The following RBM41 variants were observed in gnomAD, a reference collection of about 807,000 sequenced individuals.
The protein encoded by RBM41 is RNA binding motif protein 41.
In RBM41, 14 loss-of-function variants were observed where a neutral mutation model predicts 30.8. The observed-to-expected ratio is 0.45, with a 90% CI of 0.30 to 0.71. The LOEUF (loss-of-function observed/expected upper bound fraction) is 0.71. RBM41 is among the 30% of genes least tolerant of loss of function. The pLI is 0.08. For missense variants in RBM41, 276 were observed against 326.3 expected (o/e 0.85, Z 1.19); for synonymous variants, 120 against 110.1 (o/e 1.09, Z -0.56).
intron 5 of RBM41, among the ~76,000 whole-genome samples, chrX:107,109,352 A>G (rs1924263947): frequency 8.9e-6 from 1 of 111,858 alleles, no homozygotes. Context: ...AATCCAAACT[A>G]TTTGCTGTCA....
At chrX:107,060,622 C>T (rs1337987890), downstream of RBM41, among the ~76,000 whole-genome samples, 2 of 110,766 alleles carry the variant, frequency 1.8e-5, no homozygotes, top group African/African-American at 6.6e-5. Flanking sequence ...AAAAATTACC[C>T]TGCCTCCATT....
intron 5 of RBM41, among the ~76,000 whole-genome samples, chrX:107,092,293 G>A (rs186539966): frequency 1.8e-5 from 2 of 109,351 alleles, no homozygotes; most frequent in African/African-American, 6.6e-5. Flanking sequence ...CACAGGATAG[G>A]AAAAGATATT....
At chrX:107,093,743 A>G (rs1043092389) in intron 5 of RBM41, among the ~76,000 whole-genome samples, 10 of 111,981 alleles carry the variant, frequency 8.9e-5, no homozygotes, top group Admixed American at 8.5e-4. Context: ...ATAAAGATTA[A>G]GAAATAAATC....
At chrX:107,112,778 C>T in intron 5 of RBM41, 1 of 306,226 alleles carries the variant, frequency 3.3e-6, no homozygotes, top group Non-Finnish European at 6.3e-6. Flanking sequence ...AAGCCAGTCT[C>T]ACAAGGTTAC....
intron 6 of RBM41, among the ~76,000 whole-genome samples, chrX:107,085,029 T>C (rs953349293): frequency 2.7e-5 from 3 of 111,282 alleles, no homozygotes; most frequent in Non-Finnish European, 5.6e-5. Context: ...GTTTTATCTA[T>C]ACTCCTGCTG....
chrX:107,068,737 C>T (rs1184124823), intron 7 of RBM41, among the ~76,000 whole-genome samples: 4 of 111,916 alleles, frequency 3.6e-5, no homozygotes, highest in African/African-American at 1.3e-4. Flanking sequence ...ATTATCTGGT[C>T]TGTCATAGAA....
At chrX:107,070,022 A>C (rs1314299836) in intron 6 of RBM41, 3 of 229,539 alleles carry the variant, frequency 1.3e-5, no homozygotes, top group East Asian at 1.2e-4. Context: ...TAGTGGAGAG[A>C]GCCAAGAACA....
the RBM41 span, among the ~76,000 whole-genome samples, chrX:107,053,311 G>A: frequency 8.8e-6 from 1 of 113,418 alleles, no homozygotes; most frequent in Non-Finnish European, 1.9e-5. Flanking sequence ...ATGATAGGCT[G>A]AGGTACCACA....
At chrX:107,089,698 T>G (rs1922344254) in intron 5 of RBM41, among the ~76,000 whole-genome samples, 1 of 112,008 alleles carries the variant, frequency 8.9e-6, no homozygotes, top group Non-Finnish European at 1.9e-5. Flanking sequence ...TAGACAGATA[T>G]GTACTTCCTA....
intron 1 of RBM41, among the ~76,000 whole-genome samples, chrX:107,117,590 G>C (rs1294594512): frequency 8.9e-6 from 1 of 111,896 alleles, no homozygotes; most frequent in African/African-American, 3.3e-5. Context: ...TAAATGATTT[G>C]GGAAAGGGAA....
intron 5 of RBM41, among the ~76,000 whole-genome samples, chrX:107,100,722 A>G (rs1032477112): frequency 9.0e-6 from 1 of 110,689 alleles, no homozygotes; most frequent in African/African-American, 3.3e-5. Flanking sequence ...CAATGTGAAC[A>G]CTTCACCACC....
chrX:107,087,502 A>C (rs1416206892), intron 6 of RBM41, among the ~76,000 whole-genome samples: 3 of 112,415 alleles, frequency 2.7e-5, no homozygotes, highest in Non-Finnish European at 5.6e-5. Flanking sequence ...TGAGTAATAT[A>C]GTAATGAAGA....
rs1935683274 is a variant in RBM41 at position 107,062,705 on chromosome X, T to C, written c.*4822A>G. Among the ~76,000 whole-genome samples, 1 of 111,416 alleles carries C rather than the reference T, an allele frequency of 9.0e-6. No homozygotes were observed. Among genetic ancestry groups the C allele is most frequent in the South Asian group, 3.7e-4 (1 of 2,667 alleles). ...ACACCACTTTAAAAATTTTACAAAG[T>C]GAAAGTCCTCCTTCAGCCTATTCAA... On this transcript the variant is annotated 3_prime_UTR_variant, in exon 8 of 8. Coordinates refer to ENST00000685964, the MANE Select transcript of RBM41 (RefSeq NM_001324242.2).
intron 6 of RBM41, among the ~76,000 whole-genome samples, chrX:107,087,407 G>C (rs1922129628): frequency 9.0e-6 from 1 of 110,922 alleles, no homozygotes; most frequent in African/African-American, 3.3e-5. Context: ...TTCAGAGACA[G>C]TCAAAAACTA....
At position 107,115,553 on chromosome X, in the gene RBM41, T is replaced by C. The variant is rs751277579; in HGVS notation, c.322A>G (p.Thr108Ala). Residue 108 changes from threonine to alanine, a missense_variant, in exon 4 of 8, where the codon ACA becomes GCA. Transcript: ENST00000685964. Reference sequence around the variant, plus strand: ...GCTTCAGGAGTTGCCCTCAGTTTTGTCTTCTGAAACCAGAGGAATGAGATG... The same window carrying C: ...GCTTCAGGAGTTGCCCTCAGTTTTGCCTTCTGAAACCAGAGGAATGAGATG... ...WKSHVSGEKK[T>A]KLRATPEAIQ... is the part of the protein sequence containing the mutation. 1 of 1,204,988 alleles carries C rather than the reference T, an allele frequency of 8.3e-7. No homozygotes were observed.
At chrX:107,087,758 C>T (rs1460241434) in intron 6 of RBM41, among the ~76,000 whole-genome samples, 6 of 111,299 alleles carry the variant, frequency 5.4e-5, no homozygotes, top group East Asian at 5.6e-4. Flanking sequence ...CACACACCAC[C>T]GCGCCCAGCT....
chrX:107,101,316 G>A (rs965640550), intron 5 of RBM41, among the ~76,000 whole-genome samples: 5 of 111,323 alleles, frequency 4.5e-5, no homozygotes, highest in African/African-American at 1.6e-4. Context: ...GTGAATGAGA[G>A]GTGAACAAGC....
At chrX:107,092,244 C>T (rs1470699938) in intron 5 of RBM41, among the ~76,000 whole-genome samples, 2 of 106,590 alleles carry the variant, frequency 1.9e-5, no homozygotes, top group East Asian at 2.9e-4. Flanking sequence ...TTCTGTTCAT[C>T]GAGATGTCAT....
intron 6 of RBM41, among the ~76,000 whole-genome samples, chrX:107,084,899 A>C (rs1921877406): frequency 8.9e-6 from 1 of 112,343 alleles, no homozygotes; most frequent in Non-Finnish European, 1.9e-5. Context: ...GAAACTAGAA[A>C]TCTGCAACTA....
Sources: gnomAD v4.1 joint callset for allele counts (sites outside exome capture counted in the v4.1 genomes callset) on GRCh38, gnomAD v4.1.1 for gene constraint, MANE v1.5 for transcripts, NCBI Gene and HGNC (gene_info 2026-07-23, HGNC 2026-07-21) for gene names.